Variants in PRKD1 observed in about 807,000 individuals in gnomAD.
The protein encoded by PRKD1 is serine/threonine-protein kinase D1.
In PRKD1, 63 loss-of-function variants were observed where a neutral mutation model predicts 95.9. That is an observed-to-expected ratio of 0.66 (90% CI 0.54 to 0.81). The LOEUF (loss-of-function observed/expected upper bound fraction) is 0.81, where lower values mean the gene tolerates loss of function less well. Among genes scored for constraint, PRKD1 ranks in the 30% least tolerant of loss-of-function variants. The pLI is 0.00. For synonymous variants in PRKD1, 425 were observed against 423.1 expected, an observed-to-expected ratio of 1.00 and a Z score of -0.05; for missense variants, 1,048 against 1,165.3, an observed-to-expected ratio of 0.90 and a Z score of 1.47.
intron 2 of PRKD1, among the ~76,000 whole-genome samples, chr14:29,703,768 G>A (rs944863075): frequency 1.3e-5 from 2 of 152,066 alleles, no homozygotes; most frequent in Non-Finnish European, 2.9e-5. Flanking sequence ...AAACAATACA[G>A]AGGGAATAAA....
Position 29,674,521 on chromosome 14 carries a change from G to A in PRKD1, c.404-8313C>T, listed in dbSNP as rs184913684. ...AGGTCAAGAAAGAATATAAATGGTT[G>A]CCCCATGTGTCCAACGTAGAAGAAA... On this transcript the variant is annotated intron_variant, in intron 2 of 17. Coordinates refer to ENST00000331968, the MANE Select transcript of PRKD1 (RefSeq NM_002742.3). Among the ~76,000 whole-genome samples, 400 of 152,264 alleles carry A rather than the reference G, an allele frequency of 2.6e-3. 4 individuals carry two copies. Among genetic ancestry groups the A allele is most frequent in the Non-Finnish European group, 5.9e-4 (40 of 68,022 alleles).
intron 1 of PRKD1, among the ~76,000 whole-genome samples, chr14:29,751,591 T>A (rs1268805796): frequency 6.6e-6 from 1 of 152,228 alleles, no homozygotes; most frequent in African/African-American, 2.4e-5. Context: ...ACAAACTCCA[T>A]GTGAAATACA....
At chr14:29,851,425 T>A (rs966836390) in intron 1 of PRKD1, among the ~76,000 whole-genome samples, 6 of 151,960 alleles carry the variant, frequency 3.9e-5, no homozygotes, top group Non-Finnish European at 8.8e-5. Flanking sequence ...GCAAAAGGCA[T>A]AGACAATTCT....
intron 13 of PRKD1, among the ~76,000 whole-genome samples, chr14:29,603,319 T>A (rs913350098): frequency 6.6e-6 from 1 of 152,232 alleles, no homozygotes; most frequent in Admixed American, 6.5e-5. Flanking sequence ...AAGGCCATCA[T>A]AGATACTTAC....
intron 2 of PRKD1, among the ~76,000 whole-genome samples, chr14:29,689,976 T>C (rs1190123215): frequency 6.6e-6 from 1 of 152,114 alleles, no homozygotes; most frequent in African/African-American, 2.4e-5. Context: ...CACCGGGTTG[T>C]AGGAGGGAGA....
intron 1 of PRKD1, among the ~76,000 whole-genome samples, chr14:29,784,272 C>G (rs1001505226): frequency 6.6e-6 from 1 of 151,994 alleles, no homozygotes; most frequent in Non-Finnish European, 1.5e-5. Flanking sequence ...CACCAAGATA[C>G]CATACTGTTT....
At chr14:29,747,974 C>T (rs987360916) in intron 1 of PRKD1, among the ~76,000 whole-genome samples, 3 of 152,080 alleles carry the variant, frequency 2.0e-5, no homozygotes, top group Non-Finnish European at 2.9e-5. Flanking sequence ...AAACTCCTGA[C>T]CTCAAGTGAT....
intron 1 of PRKD1, among the ~76,000 whole-genome samples, chr14:29,874,307 TTAAAAAGA>T (rs907218784): frequency 6.6e-6 from 1 of 152,136 alleles, no homozygotes; most frequent in African/African-American, 2.4e-5. Context: ...AGAATGGCTT[TTAAAAAGA>T]TAAAAATAAC....
chr14:29,830,502 T>C lies in PRKD1; in HGVS notation c.264+96747A>G, dbSNP rs1267626408. Among the ~76,000 whole-genome samples, 3 of 152,174 alleles carry C rather than the reference T, an allele frequency of 2.0e-5. No homozygotes were observed. In the East Asian group the frequency reaches 5.8e-4, roughly 29 times the overall value. On this transcript the variant is annotated intron_variant, in intron 1 of 17. Transcript: ENST00000331968. ...TGTACTCTGTATTTCCTCAAATGCA[T>C]ATATTTATCTCTCTGTGTGTGTGTG...
chr14:29,854,754 G>T, intron 1 of PRKD1, among the ~76,000 whole-genome samples: 1 of 152,114 alleles, frequency 6.6e-6, no homozygotes, highest in East Asian at 1.9e-4. Context: ...AGGCCTAGGA[G>T]AAAAAAAGTG....
At chr14:29,815,844 A>G (rs1038925376) in intron 1 of PRKD1, among the ~76,000 whole-genome samples, 11 of 152,184 alleles carry the variant, frequency 7.2e-5, no homozygotes, top group African/African-American at 2.2e-4. Flanking sequence ...ACATATTAAT[A>G]ATACTCATTT....
At chr14:29,580,392 A>G (rs1204648412) in intron 16 of PRKD1, among the ~76,000 whole-genome samples, 1 of 152,158 alleles carries the variant, frequency 6.6e-6, no homozygotes, top group Non-Finnish European at 1.5e-5. Context: ...GGCAATGGCA[A>G]CTACTTCCAA....
intron 4 of PRKD1, among the ~76,000 whole-genome samples, chr14:29,662,197 T>C (rs1882227450): frequency 6.6e-6 from 1 of 152,192 alleles, no homozygotes; most frequent in Admixed American, 6.5e-5. Flanking sequence ...ATTTACAATG[T>C]TGTTTCTTAA....
chr14:29,746,152 G>C (rs554031276), intron 1 of PRKD1, among the ~76,000 whole-genome samples: 1 of 151,586 alleles, frequency 6.6e-6, no homozygotes, highest in African/African-American at 2.4e-5. Flanking sequence ...AGGTCTCTGA[G>C]GGCCTAATTC....
chr14:29,769,093 G>A (rs901391691), intron 1 of PRKD1, among the ~76,000 whole-genome samples: 1 of 152,122 alleles, frequency 6.6e-6, no homozygotes, highest in African/African-American at 2.4e-5. Context: ...AACGACAGAG[G>A]CATCAAGAGA....
At position 29,577,441 on chromosome 14, in the gene PRKD1, A is replaced by G. The variant is rs542511860; in HGVS notation, c.2536T>C (p.Leu846=). ...TTGCATTCCAGCTCTCGCAAATCTA[A>G]CCAGGTCTGATAGTCCTGAAGAAGA... ...HPWLQDYQTW[L]DLRELECKIG... The change falls in exon 18 of 18, where the codon TTA becomes CTA. Residue 846 remains leucine, a synonymous_variant. Coordinates refer to ENST00000331968, the MANE Select transcript of PRKD1 (RefSeq NM_002742.3). 1 of 1,613,702 alleles carries G rather than the reference A, an allele frequency of 6.2e-7. No homozygotes were observed. Among genetic ancestry groups the G allele is most frequent in the Admixed American group, 1.7e-5 (1 of 59,950 alleles).
At chr14:29,755,275 T>C (rs1953726) in intron 1 of PRKD1, among the ~76,000 whole-genome samples, 103,124 of 151,682 alleles carry the variant, frequency 0.68, 35,530 homozygotes, top group East Asian at 0.91. Flanking sequence ...TTTAAAAGTG[T>C]TTTCCCATAT....
At chr14:29,853,818 G>C (rs958722004) in intron 1 of PRKD1, among the ~76,000 whole-genome samples, 1 of 152,146 alleles carries the variant, frequency 6.6e-6, no homozygotes, top group African/African-American at 2.4e-5. Context: ...TTCCCATGCT[G>C]TTCTCATAAT....
intron 1 of PRKD1, among the ~76,000 whole-genome samples, chr14:29,830,846 C>A (rs1891379175): frequency 1.3e-5 from 2 of 151,974 alleles, no homozygotes; most frequent in African/African-American, 4.8e-5. Context: ...GCAAGTGCCA[C>A]CACGCCCAAC....
Sources: allele counts gnomAD v4.1 joint callset (sites outside exome capture counted in the v4.1 genomes callset), GRCh38; gene constraint gnomAD v4.1.1; transcripts MANE v1.5; gene names NCBI Gene and HGNC (gene_info 2026-07-23, HGNC 2026-07-21).